CD2BP2: variants seen among roughly 807,000 people sequenced by gnomAD.
CD2BP2 encodes the protein CD2 cytoplasmic tail binding protein 2.
CD2BP2 carries 27 observed loss-of-function variants against 35.9 expected under a neutral mutation model. The ratio of observed to expected loss-of-function variants is 0.75; its 90% CI spans 0.55 to 1.04. The LOEUF is 1.04. Among genes scored for constraint, CD2BP2 ranks in the 50% least tolerant of loss-of-function variants. CD2BP2 has a pLI of 0.00. For synonymous variants in CD2BP2, 213 were observed against 173.5 expected, an observed-to-expected ratio of 1.23 and a Z score of -1.79; for missense variants, 497 against 444.3, an observed-to-expected ratio of 1.12 and a Z score of -1.07.
rs1196646695 is a variant in CD2BP2, at chr16:30,353,274, C to G, written c.822G>C (p.Arg274=). Residue 274 remains arginine, a synonymous_variant, in exon 6 of 7, where the codon CGG becomes CGC. Coordinates refer to ENST00000305596, the MANE Select transcript of CD2BP2 (RefSeq NM_006110.3). The part of the protein sequence containing the change: ...TPTQRGEAES[R]GDGLVDVMWE... ...ACATCACATCCACCAGACCATCTCC[C>G]CGCGACTCTGCTTCTAAAATAACAG... 1.2e-6 allele frequency: 2 copies of G among 1,614,200 alleles called. No homozygotes were observed. Among genetic ancestry groups the G allele is most frequent in the South Asian group, 1.1e-5 (1 of 91,090 alleles).
chr16:30,353,732 G>A lies in CD2BP2; in HGVS notation c.444C>T (p.Gly148=), dbSNP rs1467455313. ...GGGCTTGGGCACTCATTGAGGTCTG[G>A]CCCAAGCTGTCCTCCTCCTCCGAGT... ...ASDSEEEDSL[G]QTSMSAQALL... Residue 148 remains glycine (G), a synonymous_variant, in exon 5 of 7, where the codon GGC becomes GGT. Transcript: ENST00000305596. 6.2e-7 allele frequency: 1 copy of A among 1,611,544 alleles called. No individual in the cohort carries two copies. The highest frequency in any genetic ancestry group is 1.3e-5 in the African/African-American group (1 of 74,886).
Position 30,354,694 on chromosome 16 carries a change from A to G in CD2BP2, c.-13T>C. The G allele has an allele frequency of 1.2e-6, 2 of 1,613,504 alleles. No individual in the cohort carries two copies. Among genetic ancestry groups the G allele is most frequent in the African/African-American group, 2.7e-5 (2 of 74,950 alleles). On this transcript the variant is annotated 5_prime_UTR_variant, in exon 2 of 7. Coordinates refer to ENST00000305596, the MANE Select transcript of CD2BP2 (RefSeq NM_006110.3). ...TCCTCTTTGGCATGACGGGGCAAAG[A>G]GGTGTTTCTCAAGCTGAGGAAAGGA...
chr16:30,353,828 C>T (rs1221999012), intron 4 of CD2BP2, 28 bp from the exon 5 acceptor site: 1 of 1,605,670 alleles, frequency 6.2e-7, no homozygotes. Context: ...AGTGATTTCC[C>T]ACCAACTGCC....
At position 30,353,591 on chromosome 16, in the gene CD2BP2, G is replaced by A. The variant is rs2049504307; in HGVS notation, c.585C>T (p.Ser195=). ...CGGAGAGCCGGTCCAGGCGCTGAGG[G>A]GAACTGGGTTGCCCAGGCCCCTTTC... ...KGRKGPGQPS[S]PQRLDRLSGL... The change falls in exon 5 of 7, where the codon TCC becomes TCT. Residue 195 remains serine (S), a synonymous_variant. Transcript: ENST00000305596. The A allele has an allele frequency of 6.2e-7, 1 of 1,613,966 alleles. No homozygotes were observed.
Position 30,353,389 on chromosome 16 carries a change from G to T in CD2BP2, c.787C>A (p.Pro263Thr). The part of the protein sequence containing the change: ...EELAEEELET[P>T]TPTQRGEAES... ...TCACCTCCTCTCTGGGTAGGGGTTG[G>T]GGTCTCCAGTTCCTCCTCCGCCAAC... is the stretch of plus-strand genomic sequence containing the variant. Residue 263 changes from proline (P) to threonine (T), a missense_variant, in exon 5 of 7, where the codon CCA (proline) becomes ACA (threonine). By Grantham distance (38) the Pro-to-Thr change is conservative (BLOSUM62 -1). Transcript: ENST00000305596. The T allele has an allele frequency of 6.2e-7, 1 of 1,614,064 alleles. No homozygotes were observed. Among genetic ancestry groups the T allele is most frequent in the Non-Finnish European group, 8.5e-7 (1 of 1,179,972 alleles).
Position 30,353,446 on chromosome 16 carries a change from G to A in CD2BP2, c.730C>T (p.Pro244Ser), listed in dbSNP as rs1596976847. 7 of 1,614,088 alleles carry A rather than the reference G, an allele frequency of 4.3e-6. No individual in the cohort carries two copies. Among genetic ancestry groups the A allele is most frequent in the East Asian group, 2.2e-5 (1 of 44,876 alleles). Reference protein sequence around the residue: ...CQTLGPHNPTPPPSLDMFAEE... With the variant: ...CQTLGPHNPTSPPSLDMFAEE... Reference sequence around the variant, plus strand: ...GCGAACATGTCCAGGGAGGGTGGGGGTGTGGGATTGTGGGGTCCTAGGGTC... The same window carrying A: ...GCGAACATGTCCAGGGAGGGTGGGGATGTGGGATTGTGGGGTCCTAGGGTC... The change falls in exon 5 of 7, where the codon CCC (proline) becomes TCC (serine). Residue 244 changes from proline to serine, a missense_variant. Physicochemically the swap from Pro to Ser is moderately conservative, Grantham distance 74. Transcript: ENST00000305596.
Position 30,352,702 on chromosome 16 carries a change from C to T in CD2BP2, c.*283G>A. On this transcript the variant is annotated 3_prime_UTR_variant, in exon 7 of 7. Coordinates refer to ENST00000305596, the MANE Select transcript of CD2BP2 (RefSeq NM_006110.3). ...CAGTTGGGGGTGTTTACACGGCAAG[C>T]AGAGTCCAGGCAGGGAGGCCACAGG... 4.3e-6 allele frequency: 2 copies of T among 465,152 alleles called. No individual in the cohort carries two copies. The highest frequency in any genetic ancestry group is 2.0e-5 in the African/African-American group (1 of 51,222). 28.8% of individuals were successfully genotyped at this position (465,152 alleles called of 1,614,324 possible).
intron 5 of CD2BP2, 23 bp from the exon 6 acceptor site, chr16:30,353,310 T>A: frequency 3.1e-6 from 5 of 1,613,752 alleles, no homozygotes; most frequent in Non-Finnish European, 4.2e-6. Flanking sequence ...GCAAAGCCAT[T>A]TGGCCTCCAG....
At chr16:30,354,146 T>A in intron 3 of CD2BP2, 38 bp downstream of exon 3, 1 of 1,613,426 alleles carries the variant, frequency 6.2e-7, no homozygotes, top group Non-Finnish European at 8.5e-7. Context: ...GGCCCCTACT[T>A]GTTTTTCCAG....
rs1168993500 is a variant in CD2BP2 at position 30,351,709 on chromosome 16, A to T, written c.*1276T>A. The T allele has an allele frequency of 1.3e-5, 2 of 152,394 alleles. No individual in the cohort carries two copies. The highest frequency in any genetic ancestry group is 2.9e-5 in the Non-Finnish European group (2 of 68,268). The allele number at this position is 152,394 out of a possible 1,614,324, so 9.4% of individuals were successfully genotyped here. On this transcript the variant is annotated 3_prime_UTR_variant, in exon 7 of 7. Coordinates refer to ENST00000305596, the MANE Select transcript of CD2BP2 (RefSeq NM_006110.3). ...AACAGACCCCACTAAAGCCACACAC[A>T]TGCTCAGCTCTCCAACCACGGTGGG...
rs767036554 is a variant in CD2BP2, at chr16:30,353,664, A to G, written c.512T>C (p.Val171Ala). 3.1e-6 allele frequency: 5 copies of G among 1,613,808 alleles called. No homozygotes were observed. The highest frequency in any genetic ancestry group is 2.5e-6 in the Non-Finnish European group (3 of 1,179,914). The change falls in exon 5 of 7, where the codon GTG becomes GCG. Residue 171 changes from valine to alanine, a missense_variant. Physicochemically the swap from Val to Ala is moderately conservative, Grantham distance 64. Transcript: ENST00000305596. ...CCCCAGACGCCTCAGTGCCCCAGCC[A>G]CTGTCTCTCTAGGCAATAGGAGCTC... ...LLELLLPRET[V>A]AGALRRLGAR... is the part of the protein sequence containing the mutation.
rs762264833 is a variant in CD2BP2, at chr16:30,354,108, G to C, written c.218-50C>G. The C allele has an allele frequency of 1.9e-6, 3 of 1,612,952 alleles. No individual in the cohort carries two copies. In the East Asian group the frequency reaches 6.7e-5, roughly 36 times the overall value. On this transcript the variant is annotated intron_variant, in intron 3 of 6. Transcript: ENST00000305596. The stretch of plus-strand genomic sequence containing the variant: ...TTTCCAGGCATGGAAAAAAGAGACC[G>C]GAGCCTCCCTCGCTCCACACCACCA...
rs368129903 is a variant in CD2BP2, at chr16:30,353,897, G to A, written c.375+4C>T. ...CCCCAGCCACGCCAGCCCCTGGGCC[G>A]CACCCAGTCAATGTTGTCCAGCCAG... On this transcript the variant is annotated splice_donor_region_variant and intron_variant, in intron 4 of 6. Coordinates refer to ENST00000305596, the MANE Select transcript of CD2BP2 (RefSeq NM_006110.3). 31 of 1,613,430 alleles carry A rather than the reference G, an allele frequency of 1.9e-5. No homozygotes were observed. Among genetic ancestry groups the A allele is most frequent in the South Asian group, 1.1e-4 (10 of 91,062 alleles).
chr16:30,354,501 G>A, intron 2 of CD2BP2, 103 bp downstream of exon 2: 1 of 1,430,480 alleles, frequency 7.0e-7, no homozygotes, highest in Middle Eastern at 1.8e-4. Flanking sequence ...GAAAAAACTA[G>A]GCTTTTCTCT....
rs530375848 is a variant in CD2BP2 at position 30,354,926 on chromosome 16, G to A, written c.-26-219C>T. ...GCGGGGACGGAGGAGCGGACCCTCT[G>A]GATCCCCCGACCCTGGCTGAAAGGA... On this transcript the variant is annotated intron_variant, in intron 1 of 6. Coordinates refer to ENST00000305596, the MANE Select transcript of CD2BP2 (RefSeq NM_006110.3). 289 of 515,614 alleles carry A rather than the reference G, an allele frequency of 5.6e-4. 1 individual carries two copies. Among genetic ancestry groups the A allele is most frequent in the African/African-American group, 5.1e-3 (263 of 51,414 alleles). 31.9% of individuals were successfully genotyped at this position (515,614 alleles called of 1,614,324 possible). A position where few individuals can be genotyped will look rare whatever the true frequency, so the allele number is the denominator to read the frequency against.
intron 5 of CD2BP2, 39 bp from the exon 6 acceptor site, chr16:30,353,326 C>T (rs1238059554): frequency 6.2e-7 from 1 of 1,613,120 alleles, no homozygotes; most frequent in African/African-American, 1.3e-5. Flanking sequence ...TCCAGTGTCT[C>T]ACTTCCTACC....
chr16:30,354,056 G>GCC lies in CD2BP2; in HGVS notation c.219_220insGG (p.Gln74GlyfsTer37). The GCC allele has an allele frequency of 6.2e-7, 1 of 1,613,984 alleles. No individual in the cohort carries two copies. The highest frequency in any genetic ancestry group is 8.5e-7 in the Non-Finnish European group (1 of 1,179,998). Reference sequence around the variant, plus strand: ...TCGCTGGGGAGTGTGGCTGCCTCCTGACCTGCACCAAAGACACAGGTGCCC... The same window carrying GCC: ...TCGCTGGGGAGTGTGGCTGCCTCCTGCCACCTGCACCAAAGACACAGGTGCCC... On this transcript the variant is annotated frameshift_variant and splice_region_variant, in exon 4 of 7. Transcript: ENST00000305596. LOFTEE classifies it high-confidence loss of function.
At position 30,353,703 on chromosome 16, in the gene CD2BP2, A is replaced by C; in HGVS notation, c.473T>G (p.Leu158Trp). The C allele has an allele frequency of 6.2e-7, 1 of 1,613,636 alleles. No individual in the cohort carries two copies. The highest frequency in any genetic ancestry group is 8.5e-7 in the Non-Finnish European group (1 of 1,179,968). ...CAATAGGAGCTCCAAAAGTCCCTCC[A>C]AGAGGGCTTGGGCACTCATTGAGGT... ...GQTSMSAQALLEGLLELLLPR... is the reference protein window; with the variant it reads ...GQTSMSAQALWEGLLELLLPR... Residue 158 changes from leucine to tryptophan, a missense_variant, in exon 5 of 7, where the codon TTG (leucine) becomes TGG (tryptophan). Physicochemically the swap from Leu to Trp is moderately conservative, Grantham distance 61. Transcript: ENST00000305596.
At chr16:30,353,859 T>A (rs1162517939) in intron 4 of CD2BP2, 42 bp downstream of exon 4, 1 of 1,610,356 alleles carries the variant, frequency 6.2e-7, no homozygotes, top group East Asian at 2.2e-5. Context: ...GCCCAGCATC[T>A]GCCACTCCCA....
Sources: gnomAD v4.1 joint callset for allele counts on GRCh38, gnomAD v4.1.1 for gene constraint, MANE v1.5 for transcripts, NCBI Gene and HGNC (gene_info 2026-07-23, HGNC 2026-07-21) for gene names.